The following CC2D1B variants were observed in gnomAD, a reference collection of about 807,000 sequenced individuals.
CC2D1B encodes coiled-coil and C2 domain containing 1B, also known as coiled-coil and C2 domain-containing protein 1B.
Under a neutral mutation model 110.8 loss-of-function variants are expected in CC2D1B, and 92 were observed. That is an observed-to-expected ratio of 0.83 (90% confidence interval 0.70 to 0.99). The LOEUF is 0.99. Ranked by LOEUF, CC2D1B falls within the 50% of genes least tolerant of loss-of-function variation. The pLI, the probability that CC2D1B is intolerant of heterozygous loss-of-function variation, is 0.00. For synonymous variants in CC2D1B, 406 were observed against 429.2 expected (o/e 0.95, Z 0.67); for missense variants, 1,136 against 1,089.0 (o/e 1.04, Z -0.61).
rs773855306 is a variant in CC2D1B, at chr1:52,359,784, CTCTG to C, written c.859_862del (p.Gln287GlufsTer16). On this transcript the variant is annotated frameshift_variant, in exon 8 of 25. Coordinates refer to ENST00000284376, the MANE Select transcript of CC2D1B (RefSeq NM_001330585.2). LOFTEE classifies it high-confidence loss of function. ...ACTGAGGGCAGCCACTTTGTACTCT[CTCTG>C]TCGGGATGACAGCAGGGCCCGCGGG... The C allele has an allele frequency of 3.7e-6, 6 of 1,611,364 alleles. No individual in the cohort carries two copies. The highest frequency in any genetic ancestry group is 5.1e-6 in the Non-Finnish European group (6 of 1,178,800).
rs190533833 is a variant in CC2D1B at position 52,353,172 on chromosome 1, G to A, written c.*53C>T. On this transcript the variant is annotated 3_prime_UTR_variant, in exon 25 of 25. Transcript: ENST00000284376. ...TTCTGAAGCCAGCAAAGCTGGGAAA[G>A]TCATCTCCTGCACAGTCGCGGCCTG... The A allele has an allele frequency of 3.6e-4, 469 of 1,319,282 alleles. No individual in the cohort carries two copies. The highest frequency in any genetic ancestry group is 4.6e-4 in the Non-Finnish European group (457 of 999,024). The allele number at this position is 1,319,282 out of a possible 1,614,324, so 81.7% of individuals were successfully genotyped here. A position where few individuals can be genotyped will look rare whatever the true frequency, so the allele number is the denominator to read the frequency against.
At chr1:52,355,180 T>C (rs6690342) in intron 21 of CC2D1B, among the ~76,000 whole-genome samples, 7,140 of 152,286 alleles carry the variant, frequency 0.047, 362 homozygotes, top group East Asian at 0.12. Context: ...ATTCCTGTGT[T>C]CATATCCCAT....
At position 52,355,594 on chromosome 1, in the gene CC2D1B, T is replaced by C; in HGVS notation, c.2187+14A>G. 6.2e-7 allele frequency: 1 copy of C among 1,614,038 alleles called. No individual in the cohort carries two copies. The highest frequency in any genetic ancestry group is 8.5e-7 in the Non-Finnish European group (1 of 1,179,892). On this transcript the variant is annotated intron_variant, in intron 20 of 24. Transcript: ENST00000284376. ...GGCGGGTTTCAGAGGATCCTACTTC[T>C]ACCTGAACCTCACCGAGTTAGGGTA...
chr1:52,356,175 G>T lies in CC2D1B; in HGVS notation c.2054+11C>A. 1 of 1,605,628 alleles carries T rather than the reference G, an allele frequency of 6.2e-7. No individual in the cohort carries two copies. Among genetic ancestry groups the T allele is most frequent in the Non-Finnish European group, 8.5e-7 (1 of 1,172,230 alleles). On this transcript the variant is annotated intron_variant, in intron 18 of 24. Coordinates refer to ENST00000284376, the MANE Select transcript of CC2D1B (RefSeq NM_001330585.2). ...CCTGCCTGGAGCCCCTGTTTCCCTA[G>T]GCCTTGGTACCTCACAGTCTGGAAT...
chr1:52,350,671 G>A lies in CC2D1B; in HGVS notation c.*2554C>T, dbSNP rs1182043884. On this transcript the variant is annotated 3_prime_UTR_variant, in exon 25 of 25. Coordinates refer to ENST00000284376, the MANE Select transcript of CC2D1B (RefSeq NM_001330585.2). Reference sequence around the variant, plus strand: ...GTGCATTGCATGAGATCAAAGAATTGAAAATTTTAAAATGATTTGGGTTGT... The same window carrying A: ...GTGCATTGCATGAGATCAAAGAATTAAAAATTTTAAAATGATTTGGGTTGT... The A allele has an allele frequency of 6.6e-6, 1 of 152,196 alleles. No homozygotes were observed. Among genetic ancestry groups the A allele is most frequent in the Non-Finnish European group, 1.5e-5 (1 of 68,026 alleles). 9.4% of individuals were successfully genotyped at this position (152,196 alleles called of 1,614,324 possible).
chr1:52,361,935 A>G (rs1299304219), intron 3 of CC2D1B, among the ~76,000 whole-genome samples: 1 of 152,246 alleles, frequency 6.6e-6, no homozygotes, highest in Non-Finnish European at 1.5e-5. Flanking sequence ...AGTCCAACAG[A>G]GCTTCAAAAC....
chr1:52,360,394 C>A lies in CC2D1B; in HGVS notation c.603+30G>T, dbSNP rs766802132. The stretch of plus-strand genomic sequence containing the variant: ...GCCGCCTTTCATGCAGCCCCCTCCC[C>A]TGCCCTGCTCCCAGCCTAGCCCGAC... On this transcript the variant is annotated intron_variant, in intron 6 of 24. Transcript: ENST00000284376. The A allele has an allele frequency of 2.5e-6, 4 of 1,610,794 alleles. No individual in the cohort carries two copies. In the South Asian group the frequency reaches 4.4e-5, roughly 18 times the overall value.
intron 4 of CC2D1B, 24 bp from the exon 5 acceptor site, chr1:52,361,156 G>A (rs774382539): frequency 6.2e-7 from 1 of 1,613,600 alleles, no homozygotes; most frequent in Non-Finnish European, 8.5e-7. Context: ...ACACAGCCCA[G>A]GAGCTTGGGG....
intron 2 of CC2D1B, among the ~76,000 whole-genome samples, chr1:52,363,350 G>A (rs1325359594): frequency 3.3e-5 from 5 of 149,684 alleles, no homozygotes; most frequent in East Asian, 2.0e-4. Flanking sequence ...AGCCAAGATG[G>A]CGCCACTGCA....
chr1:52,361,711 C>T (rs1409466068), intron 3 of CC2D1B, 95 bp from the exon 4 acceptor site: 3 of 1,466,900 alleles, frequency 2.0e-6, no homozygotes, highest in Non-Finnish European at 2.8e-6. Flanking sequence ...GCAGAAATCC[C>T]TCTTCCCTCC....
chr1:52,359,598 C>T, intron 8 of CC2D1B, 64 bp from the exon 9 acceptor site: 2 of 1,584,354 alleles, frequency 1.3e-6, no homozygotes, highest in East Asian at 2.3e-5. Context: ...TGGGCTGAAA[C>T]AACCCCCACT....
intron 9 of CC2D1B, 41 bp from the exon 10 acceptor site, chr1:52,359,398 C>T: frequency 6.2e-7 from 1 of 1,610,368 alleles, no homozygotes; most frequent in Non-Finnish European, 8.5e-7. Context: ...GAGGGCCTGG[C>T]CAGCCCCAGG....
rs1406897301 is a variant in CC2D1B at position 52,351,286 on chromosome 1, TTCTA to T, written c.*1935_*1938del. 15 of 152,308 alleles carry T rather than the reference TTCTA, an allele frequency of 9.8e-5. No homozygotes were observed. Among genetic ancestry groups the T allele is most frequent in the African/African-American group, 3.1e-4 (13 of 41,552 alleles). The allele number at this position is 152,308 out of a possible 1,614,324, so 9.4% of individuals were successfully genotyped here. A position where few individuals can be genotyped will look rare whatever the true frequency, so the allele number is the denominator to read the frequency against. ...GAAACCTTTAGAGCTATAGAAAACT[TTCTA>T]TCTATCGAAATAGGCCATTTCCAAC... is the stretch of plus-strand genomic sequence containing the variant. On this transcript the variant is annotated 3_prime_UTR_variant, in exon 25 of 25. Coordinates refer to ENST00000284376, the MANE Select transcript of CC2D1B (RefSeq NM_001330585.2).
chr1:52,360,267 G>A (rs749392033), intron 6 of CC2D1B, 34 bp from the exon 7 acceptor site: 1 of 1,611,882 alleles, frequency 6.2e-7, no homozygotes, highest in Non-Finnish European at 8.5e-7. Flanking sequence ...AACCCAGCCA[G>A]CCATCTCAGC....
At chr1:52,361,976 C>T (rs1265699506) in intron 3 of CC2D1B, among the ~76,000 whole-genome samples, 4 of 152,248 alleles carry the variant, frequency 2.6e-5, no homozygotes, top group Non-Finnish European at 5.9e-5. Context: ...ATCCCCTTTT[C>T]ATATATTGAA....
At chr1:52,358,854 T>A in intron 11 of CC2D1B, 96 bp from the exon 12 acceptor site, 1 of 1,446,538 alleles carries the variant, frequency 6.9e-7, no homozygotes, top group African/African-American at 1.4e-5. Context: ...GGGAGACTGG[T>A]GGGAAGACAG....
chr1:52,355,357 C>T, intron 21 of CC2D1B, 41 bp downstream of exon 21: 1 of 1,601,746 alleles, frequency 6.2e-7, no homozygotes, highest in Non-Finnish European at 8.6e-7. Flanking sequence ...GCTGCCCACA[C>T]ACTCTGAGGG....
rs1646535645 is a variant in CC2D1B at position 52,351,875 on chromosome 1, C to CTCTG, written c.*1346_*1349dup. Reference sequence around the variant, plus strand: ...CTCCAGCCTGGCTGGCAGAGAGCTACTCTGTCTCAAAAAAAAAAAAAAAAA... The same window carrying CTCTG: ...CTCCAGCCTGGCTGGCAGAGAGCTACTCTGTCTGTCTCAAAAAAAAAAAAAAAAA... On this transcript the variant is annotated 3_prime_UTR_variant, in exon 25 of 25. Coordinates refer to ENST00000284376, the MANE Select transcript of CC2D1B (RefSeq NM_001330585.2). The CTCTG allele has an allele frequency of 7.3e-6, 1 of 137,158 alleles. No homozygotes were observed. The allele number at this position is 137,158 out of a possible 1,614,324, so 8.5% of individuals were successfully genotyped here.
intron 13 of CC2D1B, 119 bp from the exon 14 acceptor site, chr1:52,358,017 T>C: frequency 7.1e-7 from 1 of 1,408,690 alleles, no homozygotes; most frequent in Non-Finnish European, 9.5e-7. Context: ...CTGAGATGGG[T>C]GGCTTCTCTT....
Sources: allele counts gnomAD v4.1 joint callset (sites outside exome capture counted in the v4.1 genomes callset), GRCh38; gene constraint gnomAD v4.1.1; transcripts MANE v1.5; gene names NCBI Gene and HGNC (gene_info 2026-07-23, HGNC 2026-07-21).